Variants in CUX2 observed in about 807,000 individuals in gnomAD.
CUX2 encodes cut like homeobox 2.
A neutral mutation model predicts 144.8 loss-of-function variants in CUX2; 40 were observed. The ratio of observed to expected loss-of-function variants is 0.28; its 90% CI spans 0.21 to 0.36. The LOEUF (loss-of-function observed/expected upper bound fraction) is 0.36. Ranked by LOEUF, CUX2 falls within the 10% of genes least tolerant of loss-of-function variation. The pLI is 1.00. For missense variants in CUX2, 1,615 were observed against 1,994.0 expected (o/e 0.81, Z 3.62); for synonymous variants, 827 against 875.6 (o/e 0.94, Z 0.98).
chr12:111,051,996 C>CT (rs1555264904), intron 1 of CUX2, among the ~76,000 whole-genome samples: 2 of 151,992 alleles, frequency 1.3e-5, no homozygotes, highest in Non-Finnish European at 2.9e-5. Context: ...GCCTTTCATT[C>CT]TTTTTTAATG....
At chr12:111,146,111 G>A (rs1237197194) in intron 1 of CUX2, among the ~76,000 whole-genome samples, 2 of 152,110 alleles carry the variant, frequency 1.3e-5, no homozygotes, top group East Asian at 1.9e-4. Context: ...GCCCCTACAC[G>A]GCACATTCTC....
rs60452053 is a variant in CUX2, at chr12:111,292,696, G to A, written c.437-750G>A. On this transcript the variant is annotated intron_variant, in intron 5 of 21. Transcript: ENST00000261726. ...GTGAAATGTCAAAACAGGCAAATTG[G>A]TAGAGACAGAAAGGAGATTGGTCGT... 1.1e-3 allele frequency among the ~76,000 whole-genome samples: 162 copies of A among 152,324 alleles called. 1 individual carries two copies. The East Asian group carries it at 0.027, about 26-fold the overall frequency.
chr12:111,220,377 T>G (rs1269747847), intron 3 of CUX2, among the ~76,000 whole-genome samples: 2 of 151,608 alleles, frequency 1.3e-5, no homozygotes, highest in African/African-American at 4.8e-5. Context: ...GGTTTCAGGG[T>G]TTTTTTTCCT....
chr12:111,105,037 G>A (rs141435281), intron 1 of CUX2, among the ~76,000 whole-genome samples: 69 of 152,302 alleles, frequency 4.5e-4, no homozygotes, highest in African/African-American at 1.5e-3. Flanking sequence ...CTTATAACCT[G>A]TTCTCCTCTA....
intron 1 of CUX2, among the ~76,000 whole-genome samples, chr12:111,093,756 A>G (rs1345350061): frequency 6.6e-6 from 1 of 152,098 alleles, no homozygotes; most frequent in African/African-American, 2.4e-5. Flanking sequence ...GCTCCCTGAA[A>G]CCCTCTATCT....
At chr12:111,169,361 C>A (rs757552040) in intron 1 of CUX2, among the ~76,000 whole-genome samples, 18 of 152,164 alleles carry the variant, frequency 1.2e-4, no homozygotes, top group African/African-American at 4.3e-4. Flanking sequence ...CCTCCAGAAG[C>A]GGGAGAGAAG....
chr12:111,218,995 C>T, intron 3 of CUX2, among the ~76,000 whole-genome samples: 1 of 152,020 alleles, frequency 6.6e-6, no homozygotes, highest in East Asian at 1.9e-4. Context: ...CTAAAGCGTT[C>T]CATCTTGAGG....
chr12:111,283,007 G>A (rs984934119), intron 4 of CUX2, among the ~76,000 whole-genome samples: 2 of 151,912 alleles, frequency 1.3e-5, no homozygotes, highest in African/African-American at 4.8e-5. Flanking sequence ...GAGGTCAGGA[G>A]TTAGACACCA....
intron 3 of CUX2, among the ~76,000 whole-genome samples, chr12:111,237,503 T>C (rs999650120): frequency 1.3e-5 from 2 of 152,210 alleles, no homozygotes; most frequent in Admixed American, 1.3e-4. Context: ...AGGGCAACAG[T>C]GGGCTGTCCA....
At chr12:111,292,678 G>A (rs566552994) in intron 5 of CUX2, among the ~76,000 whole-genome samples, 1 of 152,328 alleles carries the variant, frequency 6.6e-6, no homozygotes, top group East Asian at 1.9e-4. Flanking sequence ...GGTGTGAAAT[G>A]TCAAAACAGG....
Position 111,039,640 on chromosome 12 carries a change from G to A in CUX2, c.63+5400G>A, listed in dbSNP as rs1217734195. 2.6e-5 allele frequency among the ~76,000 whole-genome samples: 4 copies of A among 152,128 alleles called. No individual in the cohort carries two copies. The highest frequency in any genetic ancestry group is 4.8e-5 in the African/African-American group (2 of 41,432). ...CAGCTCACTGCAACCTCCGCCTCCC[G>A]GGTTCACGTGATTCCCAAGTAGTTG... On this transcript the variant is annotated intron_variant, in intron 1 of 21. Transcript: ENST00000261726. The surrounding 1 kb of genome is among the most constrained non-coding windows in gnomAD (Gnocchi z 4.2).
chr12:111,105,484 T>A (rs1873542398), intron 1 of CUX2, among the ~76,000 whole-genome samples: 2 of 150,948 alleles, frequency 1.3e-5, no homozygotes, highest in South Asian at 4.2e-4. Flanking sequence ...GCTGGAAAGC[T>A]CTGTGTGTGT....
At chr12:111,153,475 C>T (rs751361059) in intron 1 of CUX2, among the ~76,000 whole-genome samples, 30 of 152,158 alleles carry the variant, frequency 2.0e-4, no homozygotes, top group Middle Eastern at 3.2e-3. Flanking sequence ...GACCACAAAC[C>T]TGAACATCAT....
At chr12:111,292,770 G>C in intron 5 of CUX2, among the ~76,000 whole-genome samples, 1 of 152,110 alleles carries the variant, frequency 6.6e-6, no homozygotes, top group Non-Finnish European at 1.5e-5. Context: ...ATGGGTATGA[G>C]GGGTTTCCTT....
intron 1 of CUX2, among the ~76,000 whole-genome samples, chr12:111,166,230 C>T (rs1000397018): frequency 6.6e-6 from 1 of 152,186 alleles, no homozygotes; most frequent in African/African-American, 2.4e-5. Flanking sequence ...TATTGTTGCC[C>T]AGGCTGGACT....
chr12:111,236,638 C>T (rs1359604675), intron 3 of CUX2, among the ~76,000 whole-genome samples: 1 of 152,086 alleles, frequency 6.6e-6, no homozygotes, highest in Non-Finnish European at 1.5e-5. Context: ...AGGCTGAGGC[C>T]TGATTGGCAC....
At chr12:111,044,071 A>G (rs960428777) in intron 1 of CUX2, among the ~76,000 whole-genome samples, 1 of 151,784 alleles carries the variant, frequency 6.6e-6, no homozygotes, top group Non-Finnish European at 1.5e-5. Flanking sequence ...CAACCAAACA[A>G]CCTTCCTCCT....
chr12:111,226,951 G>A (rs1312426979), intron 3 of CUX2, among the ~76,000 whole-genome samples: 6 of 152,180 alleles, frequency 3.9e-5, no homozygotes, highest in Non-Finnish European at 8.8e-5. Flanking sequence ...AGATAAGGCC[G>A]CTGGGCGTGC....
chr12:111,263,777 A>T lies in CUX2; in HGVS notation c.239A>T (p.Lys80Met), dbSNP rs779851726. The T allele has an allele frequency of 6.2e-7, 1 of 1,613,998 alleles. No individual in the cohort carries two copies. The highest frequency in any genetic ancestry group is 8.5e-7 in the Non-Finnish European group (1 of 1,179,928). Residue 80 changes from lysine to methionine, a missense_variant, in exon 4 of 22, where the codon AAG (lysine) becomes ATG (methionine). By Grantham distance (95) the Lys-to-Met change is moderately conservative. Coordinates refer to ENST00000261726, the MANE Select transcript of CUX2 (RefSeq NM_015267.4). This position sits in a 1 kb window ranked among gnomAD's most constrained non-coding sequence, Gnocchi z 4.0. ...SFQAEVVALSKRSQEAEAAFL... is the reference protein window; with the variant it reads ...SFQAEVVALSMRSQEAEAAFL... The stretch of plus-strand genomic sequence containing the variant: ...TCTCCAAAGGTGGTGGCCCTTAGTA[A>T]GAGAAGTCAGGAGGCGGAGGCTGCT...
Sources: allele counts gnomAD v4.1 joint callset (sites outside exome capture counted in the v4.1 genomes callset), GRCh38; gene constraint gnomAD v4.1.1; non-coding constraint Gnocchi (gnomAD v3.1); transcripts MANE v1.5; gene names NCBI Gene and HGNC (gene_info 2026-07-23, HGNC 2026-07-21).